LPP: variants seen among roughly 807,000 people sequenced by gnomAD.
LPP encodes LIM domain containing preferred translocation partner in lipoma.
A neutral mutation model predicts 60.4 loss-of-function variants in LPP; 38 were observed. The observed-to-expected ratio is 0.63, with a 90% CI of 0.49 to 0.83. The LOEUF is 0.83. Ranked by LOEUF, LPP falls within the 40% of genes least tolerant of loss-of-function variation. LPP has a pLI of 0.00. For missense variants in LPP, 902 were observed against 783.6 expected (o/e 1.15, Z -1.80); for synonymous variants, 328 against 290.8 (o/e 1.13, Z -1.30).
At chr3:188,602,556 A>G (rs941789711) in intron 6 of LPP, among the ~76,000 whole-genome samples, 4 of 151,992 alleles carry the variant, frequency 2.6e-5, no homozygotes, top group Non-Finnish European at 4.4e-5. Context: ...AATGAGACCA[A>G]GCTCTTCTTG....
At chr3:188,473,036 T>C (rs1802254543) in intron 4 of LPP, among the ~76,000 whole-genome samples, 1 of 152,096 alleles carries the variant, frequency 6.6e-6, no homozygotes. Flanking sequence ...GTTTCTCTAT[T>C]TTTTTTCCAT....
chr3:188,207,521 C>T (rs559657993), intron 1 of LPP, among the ~76,000 whole-genome samples: 10 of 152,050 alleles, frequency 6.6e-5, no homozygotes, highest in African/African-American at 1.7e-4. Flanking sequence ...TGTGAGCCAC[C>T]GTGCTCCACC....
intron 7 of LPP, among the ~76,000 whole-genome samples, chr3:188,669,433 G>A (rs188970340): frequency 4.6e-5 from 7 of 152,124 alleles, no homozygotes; most frequent in African/African-American, 7.2e-5. Flanking sequence ...AAAATTAGCT[G>A]GGCGTGGTGG....
intron 4 of LPP, among the ~76,000 whole-genome samples, chr3:188,437,376 T>C (rs1049379065): frequency 1.3e-5 from 2 of 152,348 alleles, no homozygotes; most frequent in Admixed American, 1.3e-4. Flanking sequence ...TTTGCTAATA[T>C]GTTTCAATCA....
intron 1 of LPP, among the ~76,000 whole-genome samples, chr3:188,190,313 C>T (rs527414076): frequency 3.9e-5 from 6 of 152,166 alleles, no homozygotes; most frequent in Non-Finnish European, 8.8e-5. Context: ...CCCGCCTCGG[C>T]CTCCCAAAGT....
At chr3:188,255,915 C>G (rs149037194) in intron 2 of LPP, among the ~76,000 whole-genome samples, 1 of 152,040 alleles carries the variant, frequency 6.6e-6, no homozygotes, top group African/African-American at 2.4e-5. Context: ...TGCATTGATG[C>G]GAACATCACA....
intron 1 of LPP, among the ~76,000 whole-genome samples, chr3:188,158,126 G>A (rs1375794935): frequency 6.6e-6 from 1 of 152,170 alleles, no homozygotes; most frequent in African/African-American, 2.4e-5. Context: ...GGATGGTAAT[G>A]CAGGAGGCAT....
intron 6 of LPP, among the ~76,000 whole-genome samples, chr3:188,599,816 G>A (rs1840766089): frequency 1.4e-5 from 2 of 146,952 alleles, no homozygotes; most frequent in Non-Finnish European, 3.0e-5. Context: ...GTTCATTGAG[G>A]ACTAAAAATT....
At chr3:188,360,088 G>C (rs541376753) in intron 3 of LPP, among the ~76,000 whole-genome samples, 2 of 152,182 alleles carry the variant, frequency 1.3e-5, no homozygotes, top group African/African-American at 4.8e-5. Flanking sequence ...TGGATTCTAG[G>C]CTTCCTTATC....
chr3:188,566,517 T>C (rs921322529), intron 6 of LPP, among the ~76,000 whole-genome samples: 2 of 151,880 alleles, frequency 1.3e-5, no homozygotes, highest in African/African-American at 4.8e-5. Context: ...GATCAAGTCA[T>C]AGTCAAATCA....
At chr3:188,576,590 A>G (rs1179003482) in intron 6 of LPP, among the ~76,000 whole-genome samples, 1 of 152,170 alleles carries the variant, frequency 6.6e-6, no homozygotes, top group East Asian at 1.9e-4. Context: ...CCACCAAGTC[A>G]CCAGAGTCTC....
chr3:188,784,110 G>A (rs771447055), intron 9 of LPP, among the ~76,000 whole-genome samples: 8 of 150,734 alleles, frequency 5.3e-5, no homozygotes, highest in Admixed American at 1.3e-4. Context: ...AAAGTCCGTC[G>A]TATCATTCTT....
At position 188,609,872 on chromosome 3, in the gene LPP, G is replaced by C. The variant is rs563586886; in HGVS notation, c.1113+28G>C. The C allele has an allele frequency of 1.1e-4, 165 of 1,571,242 alleles. 1 individual carries two copies. In the South Asian group the frequency reaches 1.2e-3, roughly 12 times the overall value. On this transcript the variant is annotated intron_variant, in intron 7 of 11. Transcript: ENST00000617246. This position sits in a 1 kb window ranked among gnomAD's most constrained non-coding sequence, Gnocchi z 6.9. Reference sequence around the variant, plus strand: ...AAGAAACTCAGTAACATAAGGAGGAGAATACAGGGGTGCCTATCTTAGTCT... The same window carrying C: ...AAGAAACTCAGTAACATAAGGAGGACAATACAGGGGTGCCTATCTTAGTCT...
intron 2 of LPP, among the ~76,000 whole-genome samples, chr3:188,257,888 T>C (rs973436902): frequency 6.6e-6 from 1 of 152,260 alleles, no homozygotes; most frequent in African/African-American, 2.4e-5. Flanking sequence ...AATGTTGGTT[T>C]GCCTAACTGC....
At chr3:188,218,486 TA>T (rs746655508) in intron 1 of LPP, among the ~76,000 whole-genome samples, 1 of 152,194 alleles carries the variant, frequency 6.6e-6, no homozygotes, top group Non-Finnish European at 1.5e-5. Context: ...AATCATACAC[TA>T]AGTCATCTAA....
intron 4 of LPP, among the ~76,000 whole-genome samples, chr3:188,419,081 G>T (rs1426656469): frequency 6.6e-6 from 1 of 152,124 alleles, no homozygotes; most frequent in Non-Finnish European, 1.5e-5. Flanking sequence ...AGGTCTCCCA[G>T]AAATATCACC....
chr3:188,756,963 G>T (rs1419732165), intron 8 of LPP, among the ~76,000 whole-genome samples: 1 of 152,216 alleles, frequency 6.6e-6, no homozygotes, highest in East Asian at 1.9e-4. Flanking sequence ...TGGAGCCACT[G>T]CAGTGTTTTG....
At chr3:188,780,439 T>A (rs1739267515) in intron 9 of LPP, among the ~76,000 whole-genome samples, 1 of 152,010 alleles carries the variant, frequency 6.6e-6, no homozygotes, top group Admixed American at 6.6e-5. Context: ...AGGCACAGTT[T>A]GTATCCAAAT....
intron 4 of LPP, among the ~76,000 whole-genome samples, chr3:188,430,083 C>T (rs893472960): frequency 1.3e-5 from 2 of 152,022 alleles, no homozygotes; most frequent in African/African-American, 2.4e-5. Context: ...ATTAGATTAA[C>T]CAGATTGATT....
Sources: gnomAD v4.1 joint callset for allele counts (sites outside exome capture counted in the v4.1 genomes callset) on GRCh38, gnomAD v4.1.1 for gene constraint, Gnocchi (gnomAD v3.1) non-coding constraint, MANE v1.5 for transcripts, NCBI Gene and HGNC (gene_info 2026-07-23, HGNC 2026-07-21) for gene names.